The following WWTR1 variants were observed in gnomAD, a reference collection of about 807,000 sequenced individuals.
WWTR1 encodes the protein WW domain-containing transcription regulator protein 1.
A neutral mutation model predicts 40.1 loss-of-function variants in WWTR1; 13 were observed. That is an observed-to-expected ratio of 0.32 (90% CI 0.21 to 0.52). WWTR1 has a LOEUF of 0.52. Among genes scored for constraint, WWTR1 ranks in the 20% least tolerant of loss-of-function variants. WWTR1 has a pLI of 0.97. For missense variants in WWTR1, 436 were observed against 523.1 expected (o/e 0.83, Z 1.63); for synonymous variants, 230 against 210.1 (o/e 1.09, Z -0.82).
At chr3:149,702,832 C>G (rs1292082408) in intron 1 of WWTR1, 1 of 152,178 alleles carries the variant, frequency 6.6e-6, no homozygotes, top group African/African-American at 2.4e-5. Context: ...GACTGCAAGG[C>G]TGTTGATTCT....
At chr3:149,594,619 G>A (rs1484691335) in intron 2 of WWTR1, among the ~76,000 whole-genome samples, 1 of 151,830 alleles carries the variant, frequency 6.6e-6, no homozygotes, top group Non-Finnish European at 1.5e-5. Context: ...AAACAAAATG[G>A]TCAAGGGGAG....
intron 2 of WWTR1, among the ~76,000 whole-genome samples, chr3:149,628,060 C>T (rs1206597975): frequency 8.3e-6 from 1 of 120,052 alleles, no homozygotes; most frequent in South Asian, 2.6e-4. Flanking sequence ...GCAACAAGAG[C>T]GAAACTCCGT....
rs1348140276 is a variant in WWTR1 at position 149,519,191 on chromosome 3, G to T, written c.*1614C>A. 6.6e-6 allele frequency: 1 copy of T among 152,158 alleles called. No individual in the cohort carries two copies. The highest frequency in any genetic ancestry group is 1.5e-5 in the Non-Finnish European group (1 of 68,030). 9.4% of individuals were successfully genotyped at this position (152,158 alleles called of 1,614,324 possible). ...AATGCAGGCAGACTGCATGCCAGTTGAACATGATGCTCTCTCAGTCCTTAA... is the reference window on the plus strand; with the variant it reads ...AATGCAGGCAGACTGCATGCCAGTTTAACATGATGCTCTCTCAGTCCTTAA... On this transcript the variant is annotated 3_prime_UTR_variant, in exon 7 of 7. Coordinates refer to ENST00000360632, the MANE Select transcript of WWTR1 (RefSeq NM_015472.6).
At chr3:149,566,548 T>G (rs1737337110) in intron 3 of WWTR1, among the ~76,000 whole-genome samples, 1 of 151,854 alleles carries the variant, frequency 6.6e-6, no homozygotes, top group Non-Finnish European at 1.5e-5. Context: ...GAACTCACCA[T>G]GTAAATTTGA....
chr3:149,520,941 C>T lies in WWTR1; in HGVS notation c.1067G>A (p.Arg356His), dbSNP rs1389152577. The T allele has an allele frequency of 6.2e-6, 10 of 1,612,814 alleles. No homozygotes were observed. The East Asian group carries it at 6.7e-5, about 11-fold the overall frequency. The part of the protein sequence containing the change: ...TPMNINPQQT[R>H]FPDFLDCLPG... ...AAGACAGTCAAGGAAATCAGGGAAACGGGTCTGTTGGGGATTGATGTTCAT... is the reference window on the plus strand; with the variant it reads ...AAGACAGTCAAGGAAATCAGGGAAATGGGTCTGTTGGGGATTGATGTTCAT... Residue 356 changes from arginine to histidine, a missense_variant, in exon 7 of 7, where the codon CGT becomes CAT. Arg to His is a conservative substitution (Grantham distance 29, BLOSUM62 0). Coordinates refer to ENST00000360632, the MANE Select transcript of WWTR1 (RefSeq NM_015472.6).
chr3:149,535,709 TAAA>T (rs35300491), intron 4 of WWTR1, among the ~76,000 whole-genome samples: 1 of 143,472 alleles, frequency 7.0e-6, no homozygotes. Flanking sequence ...TGTCTTCACT[TAAA>T]AAAAAAAAAA....
At chr3:149,692,617 CTGTTTGTT>C (rs138842308) in intron 1 of WWTR1, among the ~76,000 whole-genome samples, 7,188 of 150,956 alleles carry the variant, frequency 0.048, 306 homozygotes, top group East Asian at 0.2. Context: ...ACTTTCACCA[CTGTTTGTT>C]TGTTTGTTTG....
chr3:149,626,848 C>T (rs558519878), intron 2 of WWTR1, among the ~76,000 whole-genome samples: 5 of 152,296 alleles, frequency 3.3e-5, no homozygotes, highest in African/African-American at 1.2e-4. Flanking sequence ...TGAACACCTA[C>T]TCCGTCCTGA....
chr3:149,711,120 G>A (rs1715467860), intron 5 of WWTR1, among the ~76,000 whole-genome samples: 1 of 151,198 alleles, frequency 6.6e-6, no homozygotes, highest in African/African-American at 2.4e-5. Context: ...AGATGGGAAG[G>A]GGTGAAGAGG....
At chr3:149,654,365 T>C (rs1371675045) in intron 2 of WWTR1, among the ~76,000 whole-genome samples, 1 of 152,230 alleles carries the variant, frequency 6.6e-6, no homozygotes, top group Non-Finnish European at 1.5e-5. Context: ...AGATTGCTTA[T>C]CCTTAAAGAC....
chr3:149,705,337 G>T (rs1715304353), upstream of WWTR1, among the ~76,000 whole-genome samples: 1 of 152,202 alleles, frequency 6.6e-6, no homozygotes, highest in South Asian at 2.1e-4. Flanking sequence ...ATAGACCATT[G>T]TGAAATGTCA....
chr3:149,679,346 G>C (rs1484426482), intron 1 of WWTR1, among the ~76,000 whole-genome samples: 3 of 152,132 alleles, frequency 2.0e-5, no homozygotes, highest in African/African-American at 7.2e-5. Context: ...GGACAATACT[G>C]CCTACCTTTT....
At chr3:149,595,949 C>T (rs948420566) in intron 2 of WWTR1, among the ~76,000 whole-genome samples, 2 of 152,054 alleles carry the variant, frequency 1.3e-5, no homozygotes, top group Non-Finnish European at 2.9e-5. Flanking sequence ...AGGAGAATCG[C>T]TTGAACCCGG....
chr3:149,522,900 A>AC, intron 6 of WWTR1, among the ~76,000 whole-genome samples: 1 of 151,586 alleles, frequency 6.6e-6, no homozygotes, highest in Admixed American at 6.6e-5. Flanking sequence ...AAACAAACAA[A>AC]AAAACCCCAA....
rs1178290435 is a variant in WWTR1 at position 149,552,319 on chromosome 3, A to ACGGAGC, written c.569-9783_569-9782insGCTCCG. Among the ~76,000 whole-genome samples the ACGGAGC allele has an allele frequency of 4.6e-5, 7 of 151,768 alleles. 1 individual carries two copies. Among genetic ancestry groups the ACGGAGC allele is most frequent in the Non-Finnish European group, 5.9e-5 (4 of 67,968 alleles). On this transcript the variant is annotated intron_variant, in intron 3 of 6. Transcript: ENST00000360632. ...AGTGCATTTCAAATCTGATTAAGGC[A>ACGGAGC]CAGAGTAGGCACTAAATACATTCTC...
At chr3:149,624,896 TA>T (rs1201716588) in intron 2 of WWTR1, among the ~76,000 whole-genome samples, 14 of 151,272 alleles carry the variant, frequency 9.3e-5, no homozygotes, top group African/African-American at 1.5e-4. Flanking sequence ...TTTATTTATT[TA>T]TTTTTTTATT....
rs369575012 is a variant in WWTR1 at position 149,535,085 on chromosome 3, C to T, written c.772-7116G>A. On this transcript the variant is annotated intron_variant, in intron 4 of 6. Transcript: ENST00000360632. Reference sequence around the variant, plus strand: ...CACTCTGCCAGCCAGCTCCTGCCCTCACCAGAATGCACTTCAAAAGGGAAA... The same window carrying T: ...CACTCTGCCAGCCAGCTCCTGCCCTTACCAGAATGCACTTCAAAAGGGAAA... 3.2e-4 allele frequency among the ~76,000 whole-genome samples: 48 copies of T among 152,278 alleles called. 1 individual carries two copies. In the East Asian group the frequency reaches 6.8e-3, roughly 21 times the overall value.
intron 5 of WWTR1, among the ~76,000 whole-genome samples, chr3:149,709,906 A>AAAAAG (rs888122394): frequency 8.5e-5 from 13 of 152,276 alleles, no homozygotes; most frequent in Admixed American, 3.3e-4. Flanking sequence ...CTCTATCTCA[A>AAAAAG]AAAAGAAAAG....
intron 2 of WWTR1, among the ~76,000 whole-genome samples, chr3:149,597,378 T>C (rs1411916456): frequency 6.8e-6 from 1 of 147,840 alleles, no homozygotes; most frequent in Non-Finnish European, 1.5e-5. Flanking sequence ...GGGTGATAGA[T>C]TGAGCCTAGA....
Sources: allele counts gnomAD v4.1 joint callset (sites outside exome capture counted in the v4.1 genomes callset), GRCh38; gene constraint gnomAD v4.1.1; transcripts MANE v1.5; gene names NCBI Gene and HGNC (gene_info 2026-07-23, HGNC 2026-07-21).